ASB7: variants seen among roughly 807,000 people sequenced by gnomAD.
The protein encoded by ASB7 is ankyrin repeat and SOCS box protein 7.
Under a neutral mutation model 32.5 loss-of-function variants are expected in ASB7, and 4 were observed. The ratio of observed to expected loss-of-function variants is 0.12; its 90% CI spans 0.06 to 0.28. ASB7 has a LOEUF of 0.28. Ranked by LOEUF, ASB7 falls within the 10% of genes least tolerant of loss-of-function variation. The pLI is 1.00. For missense variants in ASB7, 181 were observed against 407.1 expected, an observed-to-expected ratio of 0.44 and a Z score of 4.78; for synonymous variants, 172 against 155.6, an observed-to-expected ratio of 1.11 and a Z score of -0.78.
chr15:100,630,940 C>G (rs78729411), intron 5 of ASB7, among the ~76,000 whole-genome samples: 8 of 152,146 alleles, frequency 5.3e-5, no homozygotes, highest in Admixed American at 3.9e-4. Context: ...CATTATTATA[C>G]AAGAGGACAT....
rs1373589874 is a variant in ASB7, at chr15:100,650,588, G to T, written c.*2126G>T. On this transcript the variant is annotated 3_prime_UTR_variant, in exon 6 of 6. Transcript: ENST00000332783. ...AAGATTTTCTCTCCCCAGCCATTCA[G>T]AGGTTTCCAAACTAAGCCACTGAGT... 6.6e-6 allele frequency: 1 copy of T among 152,148 alleles called. No homozygotes were observed. Among genetic ancestry groups the T allele is most frequent in the African/African-American group, 2.4e-5 (1 of 41,432 alleles). 9.4% of individuals were successfully genotyped at this position (152,148 alleles called of 1,614,324 possible).
Position 100,650,709 on chromosome 15 carries a change from T to G in ASB7, c.*2247T>G, listed in dbSNP as rs1260397671. 6.6e-6 allele frequency: 1 copy of G among 152,222 alleles called. No homozygotes were observed. The highest frequency in any genetic ancestry group is 2.4e-5 in the African/African-American group (1 of 41,462). The allele number at this position is 152,222 out of a possible 1,614,324, so 9.4% of individuals were successfully genotyped here. On this transcript the variant is annotated 3_prime_UTR_variant, in exon 6 of 6. Coordinates refer to ENST00000332783, the MANE Select transcript of ASB7 (RefSeq NM_198243.3). ...TTCAGAAAAAAAAAATTATGAGAGCTCTTCCTGGAATTTTGAAATTTCTAT... is the reference window on the plus strand; with the variant it reads ...TTCAGAAAAAAAAAATTATGAGAGCGCTTCCTGGAATTTTGAAATTTCTAT...
chr15:100,645,414 A>G (rs1400845222), intron 5 of ASB7: 1 of 315,450 alleles, frequency 3.2e-6, no homozygotes, highest in African/African-American at 2.2e-5. Flanking sequence ...TCAAATTATC[A>G]TTCGAGTTCA....
intron 5 of ASB7, chr15:100,638,578 A>G (rs2039940681): frequency 1.3e-5 from 2 of 152,230 alleles, no homozygotes; most frequent in African/African-American, 4.8e-5. Flanking sequence ...CGCCGTGCGC[A>G]GTAACATATC....
At chr15:100,641,378 T>C (rs1230863768) in intron 5 of ASB7, among the ~76,000 whole-genome samples, 1 of 152,208 alleles carries the variant, frequency 6.6e-6, no homozygotes, top group East Asian at 1.9e-4. Context: ...AATAGCTCCT[T>C]AGACTGTCTT....
intron 4 of ASB7, among the ~76,000 whole-genome samples, chr15:100,627,971 G>C (rs1484428557): frequency 6.6e-6 from 1 of 152,170 alleles, no homozygotes; most frequent in Admixed American, 6.5e-5. Context: ...TTAGTGTCAT[G>C]CTCATGCCTT....
intron 2 of ASB7, among the ~76,000 whole-genome samples, chr15:100,609,060 C>T (rs1218352734): frequency 6.6e-6 from 1 of 152,204 alleles, no homozygotes; most frequent in Admixed American, 6.5e-5. Context: ...ATTTAATTGA[C>T]ACGAAGAAAG....
rs2039870527 is a variant in ASB7, at chr15:100,629,814, C to T, written c.589C>T (p.Arg197Ter). ...GATCAAAAGCAATCACTCTTATTGCCGAATGTTCCTTCAGAGAGGGGCAGA... is the reference window on the plus strand; with the variant it reads ...GATCAAAAGCAATCACTCTTATTGCTGAATGTTCCTTCAGAGAGGGGCAGA... Reference protein sequence around the residue: ...AVIKSNHSYCRMFLQRGADTN... With the variant: ...AVIKSNHSYC Residue 197 changes from arginine (R) to a stop codon, truncating the protein, a stop_gained, in exon 5 of 6, where the codon CGA becomes TGA. Coordinates refer to ENST00000332783, the MANE Select transcript of ASB7 (RefSeq NM_198243.3). LOFTEE classifies it high-confidence loss of function. This position sits in a 1 kb window ranked among gnomAD's most constrained non-coding sequence, Gnocchi z 6.8. The T allele has an allele frequency of 1.9e-6, 3 of 1,614,088 alleles. No homozygotes were observed. The highest frequency in any genetic ancestry group is 1.3e-5 in the African/African-American group (1 of 74,916).
intron 5 of ASB7, among the ~76,000 whole-genome samples, chr15:100,633,015 C>T (rs1042263554): frequency 6.6e-6 from 1 of 151,940 alleles, no homozygotes; most frequent in Non-Finnish European, 1.5e-5. Context: ...AGAACCTCCC[C>T]CTTCCAGGAC....
At chr15:100,622,482 A>G (rs1443190496) in intron 4 of ASB7, among the ~76,000 whole-genome samples, 1 of 152,226 alleles carries the variant, frequency 6.6e-6, no homozygotes, top group African/African-American at 2.4e-5. Context: ...GAACCAAAAA[A>G]GAGCCCAAAT....
intron 4 of ASB7, among the ~76,000 whole-genome samples, chr15:100,617,989 G>A (rs1161539784): frequency 6.6e-6 from 1 of 152,116 alleles, no homozygotes; most frequent in Non-Finnish European, 1.5e-5. Context: ...GGGTCTCCCT[G>A]TGTCACCCAG....
chr15:100,605,943 A>G (rs1216107181), intron 2 of ASB7, among the ~76,000 whole-genome samples: 1 of 152,220 alleles, frequency 6.6e-6, no homozygotes, highest in Non-Finnish European at 1.5e-5. Flanking sequence ...CTTATGTTAT[A>G]TGGAGGCCCA....
chr15:100,631,148 G>GA (rs547772940), intron 5 of ASB7, among the ~76,000 whole-genome samples: 2 of 152,276 alleles, frequency 1.3e-5, no homozygotes, highest in South Asian at 2.1e-4. Flanking sequence ...TAAAGCGTAA[G>GA]AAAAAATCAC....
intron 2 of ASB7, among the ~76,000 whole-genome samples, chr15:100,608,233 C>T (rs936986918): frequency 6.6e-6 from 1 of 152,164 alleles, no homozygotes; most frequent in African/African-American, 2.4e-5. Context: ...TGTAGGAAAG[C>T]TTTGGATTTA....
chr15:100,641,293 C>T (rs897895039), intron 5 of ASB7, among the ~76,000 whole-genome samples: 13 of 152,030 alleles, frequency 8.6e-5, no homozygotes, highest in East Asian at 5.8e-4. Flanking sequence ...TACTTTTAGG[C>T]GATCTGTTGA....
chr15:100,612,135 A>G, intron 3 of ASB7, 31 bp from the exon 4 acceptor site: 1 of 1,233,254 alleles, frequency 8.1e-7, no homozygotes. Flanking sequence ...GTTATTCTAA[A>G]TTTTACCTTT....
intron 5 of ASB7, chr15:100,638,465 GA>G (rs1474839027): frequency 2.0e-5 from 3 of 152,162 alleles, no homozygotes; most frequent in African/African-American, 7.2e-5. Flanking sequence ...TAAAGAAAAA[GA>G]AAAACTGTGG....
At chr15:100,643,605 T>A (rs2039977002) in intron 5 of ASB7, among the ~76,000 whole-genome samples, 1 of 148,090 alleles carries the variant, frequency 6.8e-6, no homozygotes, top group Non-Finnish European at 1.5e-5. Context: ...TTCTCCTGCC[T>A]CAGCCTTCTG....
intron 2 of ASB7, among the ~76,000 whole-genome samples, chr15:100,607,101 C>T (rs898754887): frequency 6.6e-6 from 1 of 150,954 alleles, no homozygotes; most frequent in Non-Finnish European, 1.5e-5. Context: ...TGCAGTGAGC[C>T]GAGATCGCAC....
Sources: allele counts gnomAD v4.1 joint callset (sites outside exome capture counted in the v4.1 genomes callset), GRCh38; gene constraint gnomAD v4.1.1; non-coding constraint Gnocchi (gnomAD v3.1); transcripts MANE v1.5; gene names NCBI Gene and HGNC (gene_info 2026-07-23, HGNC 2026-07-21).